Variants in HS6ST3 observed in about 807,000 individuals in gnomAD.
HS6ST3 encodes the protein heparan-sulfate 6-O-sulfotransferase 3.
Under a neutral mutation model 36.7 loss-of-function variants are expected in HS6ST3, and 12 were observed. The observed-to-expected ratio is 0.33, with a 90% confidence interval of 0.21 to 0.53. HS6ST3 has a LOEUF of 0.53. Ranked by LOEUF, HS6ST3 falls within the 20% of genes least tolerant of loss-of-function variation. The pLI is 0.95. For missense variants in HS6ST3, 584 were observed against 640.9 expected, an observed-to-expected ratio of 0.91 and a Z score of 0.96; for synonymous variants, 240 against 257.5, an observed-to-expected ratio of 0.93 and a Z score of 0.65.
rs1042290914 is a variant in HS6ST3 at position 96,396,318 on chromosome 13, G to A, written c.707+304749G>A. Among the ~76,000 whole-genome samples, 55 of 151,360 alleles carry A rather than the reference G, an allele frequency of 3.6e-4. 1 individual carries two copies. The highest frequency in any genetic ancestry group is 1.2e-3 in the African/African-American group (51 of 41,340). ...GCCAGGGGGAGACTCTGTTTTGTTT[G>A]TTTGTTTGTTTGTTTGTTTTTTAAA... On this transcript the variant is annotated intron_variant, in intron 1 of 1. Coordinates refer to ENST00000376705, the MANE Select transcript of HS6ST3 (RefSeq NM_153456.4).
intron 1 of HS6ST3, among the ~76,000 whole-genome samples, chr13:96,590,361 CT>C (rs145177400): frequency 0.011 from 1,620 of 152,116 alleles, 21 homozygotes; most frequent in African/African-American, 0.025. Context: ...TATTGCCTGA[CT>C]TTTGGATGAA....
intron 1 of HS6ST3, among the ~76,000 whole-genome samples, chr13:96,099,010 C>A (rs1036826964): frequency 1.3e-5 from 2 of 152,186 alleles, no homozygotes; most frequent in African/African-American, 4.8e-5. Context: ...GTGGCACGAT[C>A]TCTGCTCACT....
intron 1 of HS6ST3, among the ~76,000 whole-genome samples, chr13:96,123,042 C>G (rs1044654101): frequency 6.6e-6 from 1 of 152,158 alleles, no homozygotes; most frequent in Non-Finnish European, 1.5e-5. Flanking sequence ...CTTTTCAAAC[C>G]TCCAGTCATT....
In HS6ST3 at chr13:96,225,022, A is replaced by G. The variant is rs1029377522; in HGVS notation, c.707+133453A>G. Reference sequence around the variant, plus strand: ...GTTGAATGCATGGTTTGTGCACCACAATATATTAGCTTGTAAGTTGGCAAT... The same window carrying G: ...GTTGAATGCATGGTTTGTGCACCACGATATATTAGCTTGTAAGTTGGCAAT... On this transcript the variant is annotated intron_variant, in intron 1 of 1. Transcript: ENST00000376705. Among the ~76,000 whole-genome samples, 6 of 152,244 alleles carry G rather than the reference A, an allele frequency of 3.9e-5. 1 individual carries two copies. Among genetic ancestry groups the G allele is most frequent in the South Asian group, 4.1e-4 (2 of 4,834 alleles).
At chr13:96,491,064 GT>G (rs2055942797) in intron 1 of HS6ST3, among the ~76,000 whole-genome samples, 1 of 152,096 alleles carries the variant, frequency 6.6e-6, no homozygotes, top group African/African-American at 2.4e-5. Flanking sequence ...AGACCGTAGG[GT>G]ATATGATAGT....
At chr13:96,108,068 G>A (rs975867831) in intron 1 of HS6ST3, among the ~76,000 whole-genome samples, 9 of 152,192 alleles carry the variant, frequency 5.9e-5, no homozygotes, top group Non-Finnish European at 1.3e-4. Flanking sequence ...GAGCCGGGCA[G>A]GACAGACTCA....
At chr13:96,752,232 T>C (rs1876718911) in intron 1 of HS6ST3, among the ~76,000 whole-genome samples, 1 of 152,192 alleles carries the variant, frequency 6.6e-6, no homozygotes, top group African/African-American at 2.4e-5. Context: ...GCTACATTCG[T>C]TTGTGTATCT....
rs77180301 is a variant in HS6ST3 at position 96,443,848 on chromosome 13, A to G, written c.707+352279A>G. Among the ~76,000 whole-genome samples the G allele has an allele frequency of 2.3e-3, 354 of 152,312 alleles. 2 individuals are homozygous for G. Among genetic ancestry groups the G allele is most frequent in the Middle Eastern group, 0.014 (4 of 294 alleles). ...TCAGCTTTTGGAATCAACCTGTAGA[A>G]AAAGACTTAGTTCTAGTTATGGGGC... On this transcript the variant is annotated intron_variant, in intron 1 of 1. Coordinates refer to ENST00000376705, the MANE Select transcript of HS6ST3 (RefSeq NM_153456.4).
At chr13:96,141,150 C>A (rs2054030155) in intron 1 of HS6ST3, among the ~76,000 whole-genome samples, 1 of 152,136 alleles carries the variant, frequency 6.6e-6, no homozygotes, top group African/African-American at 2.4e-5. Context: ...CTGTTCTGTG[C>A]AAATGCAGTC....
intron 1 of HS6ST3, among the ~76,000 whole-genome samples, chr13:96,201,378 C>A (rs2054341106): frequency 6.6e-6 from 1 of 151,728 alleles, no homozygotes; most frequent in African/African-American, 2.4e-5. Context: ...TCTTCCACCC[C>A]AGGTTTCTGT....
At chr13:96,808,619 A>G (rs1566458985) in intron 1 of HS6ST3, among the ~76,000 whole-genome samples, 1 of 152,198 alleles carries the variant, frequency 6.6e-6, no homozygotes, top group Non-Finnish European at 1.5e-5. Context: ...TAGTTACTGA[A>G]GATAACCCAA....
At chr13:96,806,295 C>T (rs1265121228) in intron 1 of HS6ST3, among the ~76,000 whole-genome samples, 1 of 152,190 alleles carries the variant, frequency 6.6e-6, no homozygotes, top group Non-Finnish European at 1.5e-5. Flanking sequence ...TATATTCATG[C>T]TCTCATAGAA....
chr13:96,294,926 T>G (rs1299399360), intron 1 of HS6ST3, among the ~76,000 whole-genome samples: 3 of 152,112 alleles, frequency 2.0e-5, no homozygotes, highest in Non-Finnish European at 4.4e-5. Context: ...GCCTAATCCT[T>G]AATAGCATTG....
At chr13:96,701,823 A>G (rs1038414035) in intron 1 of HS6ST3, among the ~76,000 whole-genome samples, 2 of 152,100 alleles carry the variant, frequency 1.3e-5, no homozygotes, top group Non-Finnish European at 2.9e-5. Context: ...TTAGCCAGGC[A>G]TGGAGGCGTG....
At chr13:96,168,033 G>A (rs374226136) in intron 1 of HS6ST3, among the ~76,000 whole-genome samples, 9 of 152,046 alleles carry the variant, frequency 5.9e-5, no homozygotes, top group Non-Finnish European at 8.8e-5. Context: ...TGAACAAATC[G>A]AAAGTTTTAT....
intron 1 of HS6ST3, among the ~76,000 whole-genome samples, chr13:96,698,349 T>C (rs1028440943): frequency 2.6e-5 from 4 of 152,182 alleles, no homozygotes; most frequent in Non-Finnish European, 5.9e-5. Flanking sequence ...TCCAGCTTCA[T>C]CCATGTCCCT....
chr13:96,626,472 A>C (rs1405718280), intron 1 of HS6ST3, among the ~76,000 whole-genome samples: 1 of 152,174 alleles, frequency 6.6e-6, no homozygotes, highest in Non-Finnish European at 1.5e-5. Context: ...TGGTTTATTT[A>C]AATGTATTTA....
chr13:96,745,287 G>A (rs1297549628), intron 1 of HS6ST3, among the ~76,000 whole-genome samples: 1 of 152,010 alleles, frequency 6.6e-6, no homozygotes, highest in Non-Finnish European at 1.5e-5. Flanking sequence ...TCCTCAATTT[G>A]AACCTATTTC....
At chr13:96,383,679 C>A (rs1429483846) in intron 1 of HS6ST3, among the ~76,000 whole-genome samples, 1 of 151,850 alleles carries the variant, frequency 6.6e-6, no homozygotes. Flanking sequence ...AGGCTCAAAT[C>A]CTGGGGGCCA....
Sources: gnomAD v4.1 joint callset for allele counts (sites outside exome capture counted in the v4.1 genomes callset) on GRCh38, gnomAD v4.1.1 for gene constraint, MANE v1.5 for transcripts, NCBI Gene and HGNC (gene_info 2026-07-23, HGNC 2026-07-21) for gene names.